SH3PXD2B: variants seen among roughly 807,000 people sequenced by gnomAD.
SH3PXD2B encodes SH3 and PX domain-containing protein 2B.
In SH3PXD2B, 37 loss-of-function variants were observed where a neutral mutation model predicts 73.1. The ratio of observed to expected loss-of-function variants is 0.51; its 90% CI spans 0.39 to 0.67. The LOEUF (loss-of-function observed/expected upper bound fraction) is 0.67, where lower values mean the gene tolerates loss of function less well. Among genes scored for constraint, SH3PXD2B ranks in the 30% least tolerant of loss-of-function variants. The pLI is 0.00. For missense variants in SH3PXD2B, 1,053 were observed against 1,197.8 expected, an observed-to-expected ratio of 0.88 and a Z score of 1.78; for synonymous variants, 457 against 480.5, an observed-to-expected ratio of 0.95 and a Z score of 0.64.
At chr5:172,415,712 A>C (rs1471263710) in intron 2 of SH3PXD2B, among the ~76,000 whole-genome samples, 1 of 152,096 alleles carries the variant, frequency 6.6e-6, no homozygotes, top group African/African-American at 2.4e-5. Context: ...CTCTCTGGGC[A>C]CTCCAGTCAT....
chr5:172,425,465 A>G (rs1171755296), intron 1 of SH3PXD2B, among the ~76,000 whole-genome samples: 2 of 152,132 alleles, frequency 1.3e-5, no homozygotes, highest in Non-Finnish European at 2.9e-5. Flanking sequence ...GCAACCTTTG[A>G]ACTGAGATCT....
At chr5:172,411,979 C>G (rs1288817818) in intron 2 of SH3PXD2B, among the ~76,000 whole-genome samples, 3 of 152,104 alleles carry the variant, frequency 2.0e-5, no homozygotes, top group Non-Finnish European at 1.5e-5. Context: ...TCTCCCTCCC[C>G]CTGGGCCCTG....
chr5:172,382,004 C>G (rs1410888046), intron 5 of SH3PXD2B, 32 bp downstream of exon 5: 3 of 1,561,334 alleles, frequency 1.9e-6, no homozygotes, highest in Non-Finnish European at 2.6e-6. Context: ...GGCTGTGGGG[C>G]TCCATCTGGG....
intron 1 of SH3PXD2B, among the ~76,000 whole-genome samples, chr5:172,443,525 G>A (rs1274437850): frequency 1.3e-5 from 2 of 152,216 alleles, no homozygotes; most frequent in South Asian, 4.1e-4. Flanking sequence ...AGGCCCTGTC[G>A]CAGCCCTTAT....
rs1756699470 is a variant in SH3PXD2B, at chr5:172,336,620, A to G, written c.*1749T>C. The G allele has an allele frequency of 1.0e-6, 1 of 985,622 alleles. No homozygotes were observed. Among genetic ancestry groups the G allele is most frequent in the African/African-American group, 1.7e-5 (1 of 57,154 alleles). The allele number at this position is 985,622 out of a possible 1,614,324, so 61.1% of individuals were successfully genotyped here. On this transcript the variant is annotated 3_prime_UTR_variant, in exon 13 of 13. Coordinates refer to ENST00000311601, the MANE Select transcript of SH3PXD2B (RefSeq NM_001017995.3). The stretch of plus-strand genomic sequence containing the variant: ...GGTAGACACTGAGCATCCCCCCAAA[A>G]AACTGGCTTTGTGGGTCCAAAAGTA...
In SH3PXD2B at chr5:172,422,444, C is replaced by G. The variant is rs781377610; in HGVS notation, c.128G>C (p.Arg43Pro). Residue 43 changes from arginine (R) to proline (P), a missense_variant, in exon 2 of 13, where the codon CGG becomes CCG. By Grantham distance (103) the Arg-to-Pro change is moderately radical (BLOSUM62 -2). Around this residue, in one of 2 missense-constraint regions of SH3PXD2B, gnomAD observed 466 missense variants for 607.1 expected, o/e 0.77. Transcript: ENST00000311601. ...WSSGSTEAIY[R>P]RYSKFFDLQM... ...GAGGTCAAAAAACTTGCTGTAGCGCCGGTAAATGGCCTCGGTGGAGCCGCT... is the reference window on the plus strand; with the variant it reads ...GAGGTCAAAAAACTTGCTGTAGCGCGGGTAAATGGCCTCGGTGGAGCCGCT... 1 of 1,612,296 alleles carries G rather than the reference C, an allele frequency of 6.2e-7. No homozygotes were observed. The highest frequency in any genetic ancestry group is 2.2e-5 in the East Asian group (1 of 44,856).
intron 10 of SH3PXD2B, among the ~76,000 whole-genome samples, chr5:172,348,954 C>T (rs750714391): frequency 4.6e-5 from 7 of 152,128 alleles, no homozygotes; most frequent in African/African-American, 7.2e-5. Flanking sequence ...CTCAAGTGAT[C>T]CTCCAGCCTC....
intron 1 of SH3PXD2B, among the ~76,000 whole-genome samples, chr5:172,424,488 C>G (rs894691179): frequency 2.6e-5 from 4 of 152,188 alleles, no homozygotes; most frequent in Non-Finnish European, 1.5e-5. Flanking sequence ...CATTCACATT[C>G]CAAACAGAAA....
intron 1 of SH3PXD2B, among the ~76,000 whole-genome samples, chr5:172,447,671 T>G (rs1199007334): frequency 6.6e-6 from 1 of 152,222 alleles, no homozygotes; most frequent in Non-Finnish European, 1.5e-5. Flanking sequence ...CCAAGCTGTC[T>G]GATGTACTTT....
intron 1 of SH3PXD2B, 148 bp downstream of exon 1, chr5:172,454,130 C>T: frequency 4.0e-6 from 2 of 504,850 alleles, no homozygotes; most frequent in Non-Finnish European, 6.4e-6. Context: ...TCGGGAGGGA[C>T]CCGGGCAGCG....
In SH3PXD2B at chr5:172,422,424, C is replaced by CA. The variant is rs794728005; in HGVS notation, c.147dup (p.Asp50Ter). 3 of 1,609,814 alleles carry CA rather than the reference C, an allele frequency of 1.9e-6. No homozygotes were observed. The highest frequency in any genetic ancestry group is 2.5e-6 in the Non-Finnish European group (3 of 1,178,650). ...AGACCTCAAATCCTTACCTGGAGGTCAAAAAACTTGCTGTAGCGCCGGTAA... is the reference window on the plus strand; with the variant it reads ...AGACCTCAAATCCTTACCTGGAGGTCAAAAAAACTTGCTGTAGCGCCGGTAA... On this transcript the variant is annotated frameshift_variant, in exon 2 of 13. Transcript: ENST00000311601. LOFTEE classifies it high-confidence loss of function.
intron 6 of SH3PXD2B, among the ~76,000 whole-genome samples, chr5:172,373,379 T>C (rs2569208): frequency 0.44 from 67,535 of 152,044 alleles, 15,800 homozygotes; most frequent in East Asian, 0.71. Flanking sequence ...TCAGCTACCA[T>C]ATTGCTCTGT....
intron 6 of SH3PXD2B, among the ~76,000 whole-genome samples, chr5:172,370,907 T>C (rs748263769): frequency 6.6e-6 from 1 of 152,210 alleles, no homozygotes; most frequent in Admixed American, 6.5e-5. Context: ...TCTCTAAATG[T>C]TGCGGCAGGC....
At chr5:172,326,886 T>A (rs1197703236) in intron 12 of SH3PXD2B, among the ~76,000 whole-genome samples, 1 of 146,102 alleles carries the variant, frequency 6.8e-6, no homozygotes, top group Non-Finnish European at 1.5e-5. Context: ...CGACAGAGTC[T>A]CACTCTGTCG....
chr5:172,399,005 T>C (rs1192396142), intron 3 of SH3PXD2B, among the ~76,000 whole-genome samples: 10 of 152,226 alleles, frequency 6.6e-5, no homozygotes, highest in African/African-American at 2.4e-4. Context: ...TTTGTCTGTT[T>C]ATCTAGATCA....
downstream of SH3PXD2B, among the ~76,000 whole-genome samples, chr5:172,331,822 T>C (rs986562007): frequency 3.9e-5 from 6 of 152,146 alleles, no homozygotes; most frequent in African/African-American, 1.2e-4. Context: ...AGTACACACC[T>C]GTAATCCCAG....
chr5:172,332,162 G>T (rs1467268284), downstream of SH3PXD2B, among the ~76,000 whole-genome samples: 1 of 151,896 alleles, frequency 6.6e-6, no homozygotes, highest in Non-Finnish European at 1.5e-5. Flanking sequence ...CCATACCATT[G>T]CCAGTCCTGT....
In SH3PXD2B at chr5:172,338,563, C is replaced by T. The variant is rs147195586; in HGVS notation, c.2542G>A (p.Asp848Asn). The change falls in exon 13 of 13, where the codon GAC becomes AAC. Residue 848 changes from aspartate to asparagine, a missense_variant. Physicochemically the swap from Asp to Asn is conservative, Grantham distance 23. Transcript: ENST00000311601. The surrounding 1 kb of genome is among the most constrained non-coding windows in gnomAD (Gnocchi z 5.1). ...ACATACAAAGAGTCCTTCAGGCCGT[C>T]GGCATTGGGGACAGAGGCTGCAGCT... is the stretch of plus-strand genomic sequence containing the variant. ...KAAAASVPNADGLKDSLYVAV... is the reference protein window; with the variant it reads ...KAAAASVPNANGLKDSLYVAV... 1.1e-5 allele frequency: 18 copies of T among 1,614,164 alleles called. No individual in the cohort carries two copies. Among genetic ancestry groups the T allele is most frequent in the African/African-American group, 8.0e-5 (6 of 75,056 alleles).
rs144659619 is a variant in SH3PXD2B at position 172,339,012 on chromosome 5, C to T, written c.2093G>A (p.Arg698Gln). 1.1e-4 allele frequency: 177 copies of T among 1,614,082 alleles called. No homozygotes were observed. In the African/African-American group the frequency reaches 1.4e-3, roughly 12 times the overall value. Residue 698 changes from arginine to glutamine, a missense_variant, in exon 13 of 13, where the codon CGA (arginine) becomes CAA (glutamine). Physicochemically the swap from Arg to Gln is conservative, Grantham distance 43. Coordinates refer to ENST00000311601, the MANE Select transcript of SH3PXD2B (RefSeq NM_001017995.3). The surrounding 1 kb of genome is among the most constrained non-coding windows in gnomAD (Gnocchi z 6.1). The stretch of plus-strand genomic sequence containing the variant: ...AGGCCCCTCTCCTGGGAGGAAGCTT[C>T]GGCTGAAGGCCACGTCTTGGCCCCC... ...AVGGQDVAFSRSFLPGEGPGR... is the reference protein window; with the variant it reads ...AVGGQDVAFSQSFLPGEGPGR...
Sources: gnomAD v4.1 joint callset for allele counts (sites outside exome capture counted in the v4.1 genomes callset) on GRCh38, gnomAD v4.1.1 for gene constraint, gnomAD v4.1.1 regional missense constraint, Gnocchi (gnomAD v3.1) non-coding constraint, MANE v1.5 for transcripts, NCBI Gene and HGNC (gene_info 2026-07-23, HGNC 2026-07-21) for gene names.